The following PDE6B variants were observed in gnomAD, a reference collection of about 807,000 sequenced individuals.
PDE6B encodes the protein rod cGMP-specific 3',5'-cyclic phosphodiesterase subunit beta.
A neutral mutation model predicts 109.0 loss-of-function variants in PDE6B; 106 were observed. The ratio of observed to expected loss-of-function variants is 0.97; its 90% CI spans 0.83 to 1.14. PDE6B has a LOEUF of 1.14. Ranked by LOEUF, PDE6B falls within the 50% of genes most tolerant of loss-of-function variation. The probability of loss-of-function intolerance (pLI) is 0.00; values close to 1 mark genes in which losing one functional copy is unlikely to be tolerated. For synonymous variants in PDE6B, 490 were observed against 471.3 expected (o/e 1.04, Z -0.51); for missense variants, 1,193 against 1,155.6 (o/e 1.03, Z -0.47).
chr4:654,211 C>A, intron 5 of PDE6B, 57 bp downstream of exon 5: 32 of 1,368,386 alleles, frequency 2.3e-5, no homozygotes, highest in Non-Finnish European at 3.0e-5. Flanking sequence ...TCCCTGACTC[C>A]AACTCCAGGG....
At chr4:634,600 TGAC>T (rs1414857053) in intron 1 of PDE6B, 74 bp from the exon 2 acceptor site, 1 of 1,226,562 alleles carries the variant, frequency 8.2e-7, no homozygotes, top group Non-Finnish European at 1.2e-6. Flanking sequence ...CCACAGAGCT[TGAC>T]GACAACCCCA....
At chr4:635,731 T>G (rs963227684) in intron 2 of PDE6B, 149 bp from the exon 3 acceptor site, 2 of 699,780 alleles carry the variant, frequency 2.9e-6, no homozygotes, top group Non-Finnish European at 5.3e-6. Context: ...CCTGAGCTTG[T>G]GTGTGCCAAT....
intron 3 of PDE6B, among the ~76,000 whole-genome samples, chr4:651,036 C>T (rs1163005186): frequency 6.6e-6 from 1 of 151,944 alleles, no homozygotes; most frequent in African/African-American, 2.4e-5. Context: ...GGCAGTGGGG[C>T]TGTCACAGGC....
In PDE6B at chr4:657,479, G is replaced by A. The variant is rs369946269; in HGVS notation, c.1386G>A (p.Glu462=). 3 of 1,613,136 alleles carry A rather than the reference G, an allele frequency of 1.9e-6. No individual in the cohort carries two copies. In the African/African-American group the frequency reaches 4.0e-5, roughly 22 times the overall value. The change falls in exon 10 of 22, where the codon GAG becomes GAA. Residue 462 remains glutamate, a synonymous_variant. Coordinates refer to ENST00000496514, the MANE Select transcript of PDE6B (RefSeq NM_000283.4). ...ACCACGTGAAGTGCGACAGGGACGAGATCCAGCTCATCCTGGTGCGGCGGG... is the reference window on the plus strand; with the variant it reads ...ACCACGTGAAGTGCGACAGGGACGAAATCCAGCTCATCCTGGTGCGGCGGG... ...VLYHVKCDRD[E]IQLILPTRAR... is the part of the protein sequence containing the mutation.
Position 626,512 on chromosome 4 carries a change from G to A in PDE6B, c.468+418G>A, listed in dbSNP as rs111914878. ...GGCTGGGAGGGAGGCCCTGCCTTGGGATTTGGGAAGAAGAGGTCACAGTCG... is the reference window on the plus strand; with the variant it reads ...GGCTGGGAGGGAGGCCCTGCCTTGGAATTTGGGAAGAAGAGGTCACAGTCG... On this transcript the variant is annotated intron_variant, in intron 1 of 21. Transcript: ENST00000496514. This position sits in a 1 kb window ranked among gnomAD's most constrained non-coding sequence, Gnocchi z 4.6. Among the ~76,000 whole-genome samples the A allele has an allele frequency of 1.2e-4, 19 of 152,346 alleles. No individual in the cohort carries two copies. The highest frequency in any genetic ancestry group is 4.3e-4 in the African/African-American group (18 of 41,584).
At chr4:647,924 A>C (rs1407282033) in intron 3 of PDE6B, among the ~76,000 whole-genome samples, 1 of 151,698 alleles carries the variant, frequency 6.6e-6, no homozygotes. Context: ...AAATACAAAA[A>C]ATTAGCTGGG....
At chr4:668,699 C>G (rs1738109535) in intron 21 of PDE6B, among the ~76,000 whole-genome samples, 1 of 115,240 alleles carries the variant, frequency 8.7e-6, no homozygotes, top group Non-Finnish European at 1.8e-5. Flanking sequence ...CCCGCTATGC[C>G]ATGCTATTCC....
rs970998667 is a variant in PDE6B at position 648,556 on chromosome 4, A to G, written c.712-5296A>G. Among the ~76,000 whole-genome samples, 7 of 152,150 alleles carry G rather than the reference A, an allele frequency of 4.6e-5. No homozygotes were observed. Among genetic ancestry groups the G allele is most frequent in the East Asian group, 1.9e-4 (1 of 5,180 alleles). On this transcript the variant is annotated intron_variant, in intron 3 of 21. Transcript: ENST00000496514. This position sits in a 1 kb window ranked among gnomAD's most constrained non-coding sequence, Gnocchi z 4.5. ...TCTGTCCCGGGCCCTCACCTGGACA[A>G]TCAGGAACTACCTTCTGTCCCAGGC... is the stretch of plus-strand genomic sequence containing the variant.
chr4:667,731 C>T lies in PDE6B; in HGVS notation c.2353-125C>T, dbSNP rs534821026. Reference sequence around the variant, plus strand: ...GGCTCTGCTGGGAAGGTGCCCCCTCCGTGGCGCTCCCTCCTCCTGCCAGGC... The same window carrying T: ...GGCTCTGCTGGGAAGGTGCCCCCTCTGTGGCGCTCCCTCCTCCTGCCAGGC... On this transcript the variant is annotated intron_variant, in intron 20 of 21. Transcript: ENST00000496514. 2.2e-4 allele frequency: 217 copies of T among 1,003,634 alleles called. 1 individual carries two copies. The highest frequency in any genetic ancestry group is 4.0e-4 in the East Asian group (16 of 40,264). The allele number at this position is 1,003,634 out of a possible 1,614,324, so 62.2% of individuals were successfully genotyped here.
chr4:628,006 C>G (rs956536832), intron 1 of PDE6B, among the ~76,000 whole-genome samples: 1 of 152,126 alleles, frequency 6.6e-6, no homozygotes, highest in Non-Finnish European at 1.5e-5. Context: ...CCGCACCTGC[C>G]CCAGGACTGA....
rs538430670 is a variant in PDE6B at position 633,602 on chromosome 4, C to G, written c.469-1075C>G. Among the ~76,000 whole-genome samples, 13 of 152,316 alleles carry G rather than the reference C, an allele frequency of 8.5e-5. No homozygotes were observed. The highest frequency in any genetic ancestry group is 2.9e-4 in the African/African-American group (12 of 41,576). On this transcript the variant is annotated intron_variant, in intron 1 of 21. Coordinates refer to ENST00000496514, the MANE Select transcript of PDE6B (RefSeq NM_000283.4). This position sits in a 1 kb window ranked among gnomAD's most constrained non-coding sequence, Gnocchi z 4.5. ...GAGGCGCATCCCAGGAGCTCCCATT[C>G]AGCTGGCGCAGTGGCTGAGGGCAGA... is the stretch of plus-strand genomic sequence containing the variant.
rs151029036 is a variant in PDE6B, at chr4:654,864, G to A, written c.968G>A (p.Gly323Asp). The stretch of plus-strand genomic sequence containing the variant: ...AAAGTGATCGACTACGTCCTCCACG[G>A]CAAGGAGGAGATCAAGGTCATTCCG... ...FYKVIDYVLHGKEEIKVIPTP... is the reference protein window; with the variant it reads ...FYKVIDYVLHDKEEIKVIPTP... Residue 323 changes from glycine to aspartate, a missense_variant, in exon 6 of 22, where the codon GGC becomes GAC. By Grantham distance (94) the Gly-to-Asp change is moderately conservative. Transcript: ENST00000496514. The A allele has an allele frequency of 3.8e-6, 6 of 1,561,900 alleles. No homozygotes were observed. In the East Asian group the frequency reaches 9.0e-5, roughly 23 times the overall value.
chr4:662,477 G>A lies in PDE6B; in HGVS notation c.1723-32G>A, dbSNP rs891098457. 2.8e-6 allele frequency: 4 copies of A among 1,442,292 alleles called. No homozygotes were observed. Among genetic ancestry groups the A allele is most frequent in the Non-Finnish European group, 3.9e-6 (4 of 1,023,960 alleles). 89.3% of individuals were successfully genotyped at this position (1,442,292 alleles called of 1,614,324 possible). ...CCACTCCCCACCCTGCTGGAGCCAGGACCGGTGAGCAAGGTGGCCCTGTCT... is the reference window on the plus strand; with the variant it reads ...CCACTCCCCACCCTGCTGGAGCCAGAACCGGTGAGCAAGGTGGCCCTGTCT... On this transcript the variant is annotated intron_variant, in intron 13 of 21. Transcript: ENST00000496514. This position sits in a 1 kb window ranked among gnomAD's most constrained non-coding sequence, Gnocchi z 4.3.
chr4:657,989 G>A (rs1209810476), intron 10 of PDE6B, among the ~76,000 whole-genome samples: 1 of 146,178 alleles, frequency 6.8e-6, no homozygotes, highest in Non-Finnish European at 1.5e-5. Flanking sequence ...GTCATCCAGG[G>A]CTCACCCAGG....
intron 3 of PDE6B, among the ~76,000 whole-genome samples, chr4:639,397 G>T (rs1734844162): frequency 6.6e-6 from 1 of 152,104 alleles, no homozygotes; most frequent in African/African-American, 2.4e-5. Context: ...GGGGTCCACA[G>T]TTCACAGGAG....
At position 665,144 on chromosome 4, in the gene PDE6B, C is replaced by T; in HGVS notation, c.2194-111C>T. On this transcript the variant is annotated intron_variant, in intron 18 of 21. Transcript: ENST00000496514. The surrounding 1 kb of genome is among the most constrained non-coding windows in gnomAD (Gnocchi z 4.0). ...CAACCGGAGCCCTGTGTGGTGGGGA[C>T]CCCGGGGGTCTGGGGCGGAGAAGAC... The T allele has an allele frequency of 1.1e-6, 1 of 894,650 alleles. No homozygotes were observed. Among genetic ancestry groups the T allele is most frequent in the South Asian group, 1.4e-5 (1 of 73,394 alleles). The allele number at this position is 894,650 out of a possible 1,614,324, so 55.4% of individuals were successfully genotyped here.
In PDE6B at chr4:663,912, G is replaced by C. The variant is rs770920911; in HGVS notation, c.2021+42G>C. ...AGGGGGCGCCTCGCGGGGCGGGCGG[G>C]TAGCCTGGGACCCCCGGCAGACACG... is the stretch of plus-strand genomic sequence containing the variant. On this transcript the variant is annotated intron_variant, in intron 16 of 21. Transcript: ENST00000496514. This position sits in a 1 kb window ranked among gnomAD's most constrained non-coding sequence, Gnocchi z 4.0. 1 of 1,464,134 alleles carries C rather than the reference G, an allele frequency of 6.8e-7. No homozygotes were observed. Among genetic ancestry groups the C allele is most frequent in the African/African-American group, 1.4e-5 (1 of 70,008 alleles). 90.7% of individuals were successfully genotyped at this position (1,464,134 alleles called of 1,614,324 possible).
intron 11 of PDE6B, among the ~76,000 whole-genome samples, chr4:659,270 T>A (rs1736739783): frequency 6.6e-6 from 1 of 152,236 alleles, no homozygotes; most frequent in South Asian, 2.1e-4. Context: ...TCTGCACTCC[T>A]GAGTGTATCT....
At chr4:643,427 G>A (rs1056972315) in intron 3 of PDE6B, among the ~76,000 whole-genome samples, 2 of 152,238 alleles carry the variant, frequency 1.3e-5, no homozygotes, top group East Asian at 3.9e-4. Context: ...TGACCTCATT[G>A]AATGAGATAA....
Sources: gnomAD v4.1 joint callset for allele counts (sites outside exome capture counted in the v4.1 genomes callset) on GRCh38, gnomAD v4.1.1 for gene constraint, Gnocchi (gnomAD v3.1) non-coding constraint, MANE v1.5 for transcripts, NCBI Gene and HGNC (gene_info 2026-07-23, HGNC 2026-07-21) for gene names.